Variants in DYNC2LI1 observed in about 807,000 individuals in gnomAD.
The protein encoded by DYNC2LI1 is dynein cytoplasmic 2 light intermediate chain 1, also known as cytoplasmic dynein 2 light intermediate chain 1.
A neutral mutation model predicts 51.9 loss-of-function variants in DYNC2LI1; 45 were observed. The ratio of observed to expected loss-of-function variants is 0.87; its 90% CI spans 0.68 to 1.11. DYNC2LI1 has a LOEUF of 1.11. DYNC2LI1 is among the 50% of genes most tolerant of loss of function. The pLI is 0.00. For synonymous variants in DYNC2LI1, 130 were observed against 137.8 expected (o/e 0.94, Z 0.40); for missense variants, 490 against 417.4 (o/e 1.17, Z -1.51).
chr2:43,809,658 A>G (rs771796704), intron 12 of DYNC2LI1, 47 bp from the exon 13 acceptor site: 2 of 1,419,650 alleles, frequency 1.4e-6, no homozygotes, highest in East Asian at 2.3e-5. Context: ...GCCTCCTTGA[A>G]TTAGTAAAGT....
chr2:43,782,288 C>A (rs114448742), intron 2 of DYNC2LI1, among the ~76,000 whole-genome samples: 8,976 of 151,868 alleles, frequency 0.059, 405 homozygotes, highest in African/African-American at 0.13. Flanking sequence ...TTGTACAATT[C>A]CAGTTATTTT....
intron 11 of DYNC2LI1, 105 bp from the exon 12 acceptor site, chr2:43,805,049 G>C: frequency 1.4e-6 from 1 of 715,690 alleles, no homozygotes; most frequent in Non-Finnish European, 2.4e-6. Context: ...ATCATAGAGA[G>C]CCTTTGTGGC....
At chr2:43,814,193 C>T (rs1416581291), downstream of DYNC2LI1, among the ~76,000 whole-genome samples, 1 of 152,174 alleles carries the variant, frequency 6.6e-6, no homozygotes, top group Non-Finnish European at 1.5e-5. Flanking sequence ...GGAACTGAGT[C>T]TATCCAGAAT....
chr2:43,792,872 A>G (rs761202574), intron 5 of DYNC2LI1: 4 of 1,402,734 alleles, frequency 2.9e-6, no homozygotes, highest in Non-Finnish European at 3.7e-6. Flanking sequence ...TTGTGTAAAC[A>G]AATACCACAG....
the DYNC2LI1 span, chr2:43,822,907 C>T: frequency 2.5e-6 from 4 of 1,613,992 alleles, no homozygotes; most frequent in South Asian, 3.3e-5. Context: ...CCTGACTCTC[C>T]TGGTCGCTGA....
chr2:43,821,287 T>C, the DYNC2LI1 span, among the ~76,000 whole-genome samples: 2 of 152,200 alleles, frequency 1.3e-5, no homozygotes, highest in African/African-American at 4.8e-5. Flanking sequence ...CCAGAGTCAT[T>C]CTTTTTGCTC....
At chr2:43,800,332 A>G (rs1026059097) in intron 8 of DYNC2LI1, among the ~76,000 whole-genome samples, 1 of 152,202 alleles carries the variant, frequency 6.6e-6, no homozygotes, top group African/African-American at 2.4e-5. Context: ...AAGTTAAAAA[A>G]TTACCTTAGT....
chr2:43,808,532 T>C (rs1006630056), intron 12 of DYNC2LI1, among the ~76,000 whole-genome samples: 2 of 152,202 alleles, frequency 1.3e-5, no homozygotes, highest in African/African-American at 2.4e-5. Context: ...TTGAACAACA[T>C]GTAGGAGGCC....
In DYNC2LI1 at chr2:43,800,877, C is replaced by T. The variant is rs755856410; in HGVS notation, c.691C>T (p.Arg231Cys). 4.7e-5 allele frequency: 75 copies of T among 1,603,374 alleles called. No individual in the cohort carries two copies. Among genetic ancestry groups the T allele is most frequent in the Middle Eastern group, 1.7e-4 (1 of 6,028 alleles). The change falls in exon 9 of 13, where the codon CGT (arginine) becomes TGT (cysteine). Residue 231 changes from arginine (R) to cysteine (C), a missense_variant. Coordinates refer to ENST00000260605, the MANE Select transcript of DYNC2LI1 (RefSeq NM_016008.4). ...ATCAGAAGCTCTATTACTAAAAATA[C>T]GTGGAGTTATCAACCAGTTGGCATT... Reference protein sequence around the residue: ...SKSEALLLKIRGVINQLAFGI... With the variant: ...SKSEALLLKICGVINQLAFGI...
the DYNC2LI1 span, among the ~76,000 whole-genome samples, chr2:43,817,647 C>G: frequency 1.3e-5 from 2 of 151,984 alleles, no homozygotes; most frequent in African/African-American, 4.8e-5. Context: ...CGGTGGCTCA[C>G]GTCTATAATC....
the DYNC2LI1 span, among the ~76,000 whole-genome samples, chr2:43,820,421 G>C: frequency 6.6e-6 from 1 of 152,088 alleles, no homozygotes. Context: ...AACTCTACAG[G>C]CATCTTCATA....
At chr2:43,820,035 TG>T in the DYNC2LI1 span, 9 of 1,614,026 alleles carry the variant, frequency 5.6e-6, no homozygotes, top group Admixed American at 5.0e-5. Context: ...ACCAATTAAG[TG>T]GGGGGCCAAG....
intron 6 of DYNC2LI1, chr2:43,795,099 G>A: frequency 1.0e-6 from 1 of 1,001,296 alleles, no homozygotes; most frequent in Non-Finnish European, 1.2e-6. Context: ...TTTATCATCT[G>A]ACAGCTAATT....
the DYNC2LI1 span, among the ~76,000 whole-genome samples, chr2:43,816,999 G>T: frequency 1.3e-5 from 2 of 152,202 alleles, no homozygotes; most frequent in Non-Finnish European, 2.9e-5. Context: ...AATGCCTTAG[G>T]CAGTTCACCC....
At chr2:43,827,325 CAAAA>C in the DYNC2LI1 span, among the ~76,000 whole-genome samples, 1 of 112,232 alleles carries the variant, frequency 8.9e-6, no homozygotes. Context: ...AACTCTGTCT[CAAAA>C]AAAAAAAAAA....
chr2:43,818,312 C>T, the DYNC2LI1 span, among the ~76,000 whole-genome samples: 4 of 152,040 alleles, frequency 2.6e-5, no homozygotes, highest in Admixed American at 6.6e-5. Context: ...AGCATGGTGG[C>T]GCACACCTGT....
the DYNC2LI1 span, among the ~76,000 whole-genome samples, chr2:43,815,230 T>C: frequency 6.6e-6 from 1 of 152,186 alleles, no homozygotes; most frequent in Admixed American, 6.5e-5. Context: ...CTATTTCAGG[T>C]GAAACTGTGT....
chr2:43,796,673 A>C, intron 7 of DYNC2LI1, 45 bp from the exon 8 acceptor site: 3 of 1,348,806 alleles, frequency 2.2e-6, no homozygotes, highest in Non-Finnish European at 3.2e-6. Flanking sequence ...TTCCTGCTAT[A>C]GATATTTGGT....
chr2:43,788,859 C>T (rs996067391), intron 4 of DYNC2LI1, among the ~76,000 whole-genome samples: 2 of 152,198 alleles, frequency 1.3e-5, no homozygotes, highest in African/African-American at 4.8e-5. Flanking sequence ...ACCTTGAACT[C>T]CTGGCTTCAA....
Sources: gnomAD v4.1 joint callset for allele counts (sites outside exome capture counted in the v4.1 genomes callset) on GRCh38, gnomAD v4.1.1 for gene constraint, MANE v1.5 for transcripts, NCBI Gene and HGNC (gene_info 2026-07-23, HGNC 2026-07-21) for gene names.